Variants in NLRP8 observed in about 807,000 individuals in gnomAD.
NLRP8 encodes the protein NACHT, LRR and PYD domains-containing protein 8.
A neutral mutation model predicts 88.7 loss-of-function variants in NLRP8; 86 were observed. That is an observed-to-expected ratio of 0.97 (90% CI 0.81 to 1.16). The LOEUF is 1.16. Among genes scored for constraint, NLRP8 ranks in the 50% most tolerant of loss-of-function variants. NLRP8 has a pLI of 0.00. For synonymous variants in NLRP8, 504 were observed against 494.6 expected (o/e 1.02, Z -0.25); for missense variants, 1,342 against 1,286.5 (o/e 1.04, Z -0.66).
At position 55,988,031 on chromosome 19, in the gene NLRP8, C is replaced by G. The variant is rs1270638658; in HGVS notation, c.*118C>G. 12 of 716,562 alleles carry G rather than the reference C, an allele frequency of 1.7e-5. No homozygotes were observed. Among genetic ancestry groups the G allele is most frequent in the Non-Finnish European group, 2.7e-5 (11 of 408,426 alleles). 44.4% of individuals were successfully genotyped at this position (716,562 alleles called of 1,614,324 possible). A position where few individuals can be genotyped will look rare whatever the true frequency, so the allele number is the denominator to read the frequency against. On this transcript the variant is annotated 3_prime_UTR_variant, in exon 10 of 10. Coordinates refer to ENST00000291971, the MANE Select transcript of NLRP8 (RefSeq NM_176811.2). ...GTACTTTCCCCTGAAACAGAGCAAC[C>G]CAGTCAACACCACAGAACCTCAGCT...
At chr19:55,972,967 T>C (rs1980147460) in intron 6 of NLRP8, among the ~76,000 whole-genome samples, 1 of 152,186 alleles carries the variant, frequency 6.6e-6, no homozygotes, top group African/African-American at 2.4e-5. Flanking sequence ...TCTTTTCCTC[T>C]GGGTGAATTC....
chr19:55,960,897 C>CTTTTTTTTTTTTTT (rs36087472), intron 3 of NLRP8, among the ~76,000 whole-genome samples: 6 of 91,006 alleles, frequency 6.6e-5, no homozygotes, highest in African/African-American at 1.8e-4. Context: ...AACTATTTCT[C>CTTTTTTTTTTTTTT]TTTTTTTTTT....
intron 3 of NLRP8, among the ~76,000 whole-genome samples, chr19:55,957,706 T>C (rs1352607689): frequency 2.1e-5 from 1 of 46,654 alleles, no homozygotes; most frequent in Non-Finnish European, 4.5e-5. Flanking sequence ...TATATATATA[T>C]ATATATATAT....
chr19:55,986,337 C>G (rs1190181529), intron 9 of NLRP8, among the ~76,000 whole-genome samples: 1 of 151,260 alleles, frequency 6.6e-6, no homozygotes, highest in Non-Finnish European at 1.5e-5. Flanking sequence ...CACTCTCTGT[C>G]TCACACACAT....
intron 4 of NLRP8, 123 bp downstream of exon 4, chr19:55,962,360 C>CGGA (rs1568462716): frequency 9.4e-7 from 1 of 1,068,672 alleles, no homozygotes; most frequent in East Asian, 2.5e-5. Context: ...CAGCCTTGGA[C>CGGA]GGAGGTGCAG....
Position 55,955,408 on chromosome 19 carries a change from AC to A in NLRP8, c.1351del (p.Leu451TrpfsTer19). On this transcript the variant is annotated frameshift_variant, in exon 3 of 10. Transcript: ENST00000291971. LOFTEE classifies it high-confidence loss of function. ...TTTCCAGAAAGATCCACCAAGCACA[AC>A]TGGAAGGTCTGTGTCACTTGGCCGC... 1 of 1,614,228 alleles carries A rather than the reference AC, an allele frequency of 6.2e-7. No individual in the cohort carries two copies. The highest frequency in any genetic ancestry group is 8.5e-7 in the Non-Finnish European group (1 of 1,180,036).
chr19:55,978,084 A>G (rs761553575), intron 8 of NLRP8, among the ~76,000 whole-genome samples: 1 of 152,114 alleles, frequency 6.6e-6, no homozygotes, highest in Admixed American at 6.6e-5. Flanking sequence ...TTTTTTTCAG[A>G]TCACAAAATT....
intron 3 of NLRP8, among the ~76,000 whole-genome samples, chr19:55,957,073 A>G (rs966888827): frequency 5.3e-5 from 8 of 152,160 alleles, no homozygotes; most frequent in Non-Finnish European, 1.5e-5. Flanking sequence ...AATTACAGGC[A>G]TGAGCCGCTG....
chr19:55,986,479 C>CACACACACACACAT (rs1555759179), intron 9 of NLRP8, among the ~76,000 whole-genome samples: 5,157 of 139,234 alleles, frequency 0.037, 170 homozygotes, highest in African/African-American at 0.086. Context: ...CACATACACA[C>CACACACACACACAT]ACACACACAC....
intron 5 of NLRP8, among the ~76,000 whole-genome samples, chr19:55,966,631 A>G (rs1265574727): frequency 6.6e-6 from 1 of 152,108 alleles, no homozygotes; most frequent in East Asian, 1.9e-4. Context: ...CATCTCTACT[A>G]AAAATACAAA....
chr19:55,963,840 C>T (rs1979719692), intron 4 of NLRP8, among the ~76,000 whole-genome samples: 1 of 152,242 alleles, frequency 6.6e-6, no homozygotes, highest in Middle Eastern at 3.4e-3. Flanking sequence ...TAGGTGTGAG[C>T]CATTGCAACC....
At chr19:55,951,089 G>GAATAAA (rs1260361908) in intron 1 of NLRP8, among the ~76,000 whole-genome samples, 1 of 151,664 alleles carries the variant, frequency 6.6e-6, no homozygotes, top group African/African-American at 2.4e-5. Context: ...AAAAAAATAA[G>GAATAAA]AATAAAAATA....
At chr19:55,957,543 A>AGGCATGGT (rs1979407434) in intron 3 of NLRP8, among the ~76,000 whole-genome samples, 2 of 151,516 alleles carry the variant, frequency 1.3e-5, no homozygotes, top group Non-Finnish European at 2.9e-5. Context: ...AAAATTAGCC[A>AGGCATGGT]GGCATGGTGG....
intron 9 of NLRP8, among the ~76,000 whole-genome samples, chr19:55,982,105 C>T (rs306471): frequency 0.99 from 150,289 of 152,300 alleles, 74,166 homozygotes; most frequent in East Asian, 1. Flanking sequence ...GGTTTCACCA[C>T]GTTGGCCAGG....
At chr19:55,979,686 A>G (rs1980494259) in intron 9 of NLRP8, 122 bp downstream of exon 9, 1 of 1,022,432 alleles carries the variant, frequency 9.8e-7, no homozygotes. Context: ...TGGGAGACTG[A>G]GACAGGCAGA....
rs747112770 is a variant in NLRP8 at position 55,979,555 on chromosome 19, A to G, written c.3038A>G (p.Glu1013Gly). Reference sequence around the variant, plus strand: ...TTCTCAAGCCAAAAGAAGAGAGAAGAGGTCATTTTGTAAGTCTCCACCGGG... The same window carrying G: ...TTCTCAAGCCAAAAGAAGAGAGAAGGGGTCATTTTGTAAGTCTCCACCGGG... The change falls in exon 9 of 10, where the codon GAG becomes GGG. Residue 1013 changes from glutamate to glycine, a missense_variant. By Grantham distance (98) the Glu-to-Gly change is moderately conservative (BLOSUM62 -2). Coordinates refer to ENST00000291971, the MANE Select transcript of NLRP8 (RefSeq NM_176811.2). 1.2e-6 allele frequency: 2 copies of G among 1,614,074 alleles called. No homozygotes were observed. Among genetic ancestry groups the G allele is most frequent in the African/African-American group, 2.7e-5 (2 of 74,922 alleles).
chr19:55,954,652 C>A lies in NLRP8; in HGVS notation c.594C>A (p.Pro198=), dbSNP rs1446371740. The change falls in exon 3 of 10, where the codon CCC becomes CCA. Residue 198 remains proline, a synonymous_variant. Coordinates refer to ENST00000291971, the MANE Select transcript of NLRP8 (RefSeq NM_176811.2). Reference sequence around the variant, plus strand: ...CATGTCTGCTTCTGCCCAAAAGACCCCAGGGTAGACAGCCCAAGACCGTGG... The same window carrying A: ...CATGTCTGCTTCTGCCCAAAAGACCACAGGGTAGACAGCCCAAGACCGTGG... 1.9e-6 allele frequency: 3 copies of A among 1,614,050 alleles called. No individual in the cohort carries two copies. Among genetic ancestry groups the A allele is most frequent in the African/African-American group, 2.7e-5 (2 of 74,914 alleles).
In NLRP8 at chr19:55,979,463, T is replaced by C. The variant is rs372138266; in HGVS notation, c.2946T>C (p.His982=). 1 of 1,614,158 alleles carries C rather than the reference T, an allele frequency of 6.2e-7. No homozygotes were observed. Among genetic ancestry groups the C allele is most frequent in the African/African-American group, 1.3e-5 (1 of 75,036 alleles). The stretch of plus-strand genomic sequence containing the variant: ...CTTCCATGCTCCGCAAAAACCAACA[T>C]CTGAGACATCTGGACTTGAGCAAGA... Residue 982 remains histidine, a synonymous_variant, in exon 9 of 10, where the codon CAT becomes CAC. Coordinates refer to ENST00000291971, the MANE Select transcript of NLRP8 (RefSeq NM_176811.2).
chr19:55,958,302 G>A (rs781133237), intron 3 of NLRP8, among the ~76,000 whole-genome samples: 7 of 152,174 alleles, frequency 4.6e-5, no homozygotes, highest in Admixed American at 1.3e-4. Flanking sequence ...GATGTGTAGC[G>A]CTAATGCTCA....
Sources: gnomAD v4.1 joint callset for allele counts (sites outside exome capture counted in the v4.1 genomes callset) on GRCh38, gnomAD v4.1.1 for gene constraint, MANE v1.5 for transcripts, NCBI Gene and HGNC (gene_info 2026-07-23, HGNC 2026-07-21) for gene names.